The following PIK3C2G variants were observed in gnomAD, a reference collection of about 807,000 sequenced individuals.
The protein encoded by PIK3C2G is phosphatidylinositol 3-kinase C2 domain-containing subunit gamma.
A neutral mutation model predicts 181.1 loss-of-function variants in PIK3C2G; 168 were observed. The ratio of observed to expected loss-of-function variants is 0.93; its 90% CI spans 0.82 to 1.05. The LOEUF (loss-of-function observed/expected upper bound fraction) is 1.05, where lower values mean the gene tolerates loss of function less well. PIK3C2G is among the 50% of genes least tolerant of loss of function. PIK3C2G has a pLI of 0.00. For missense variants in PIK3C2G, 1,869 were observed against 1,732.8 expected (o/e 1.08, Z -1.40); for synonymous variants, 573 against 592.2 (o/e 0.97, Z 0.47).
chr12:18,464,076 G>A (rs1185633528), intron 18 of PIK3C2G, among the ~76,000 whole-genome samples: 1 of 152,064 alleles, frequency 6.6e-6, no homozygotes, highest in Non-Finnish European at 1.5e-5. Flanking sequence ...ATAAATTGTG[G>A]ATTTGTGGAG....
At chr12:18,247,195 G>A (rs1948049231), upstream of PIK3C2G, among the ~76,000 whole-genome samples, 1 of 152,164 alleles carries the variant, frequency 6.6e-6, no homozygotes, top group South Asian at 2.1e-4. Flanking sequence ...CTCAGAAATA[G>A]AGAACCAGGT....
chr12:18,498,083 G>A (rs938171173), intron 22 of PIK3C2G, among the ~76,000 whole-genome samples: 1 of 151,912 alleles, frequency 6.6e-6, no homozygotes, highest in African/African-American at 2.4e-5. Flanking sequence ...ATTTTTAAAA[G>A]AATACAATTG....
chr12:18,652,718 C>T (rs1565604968), downstream of PIK3C2G, among the ~76,000 whole-genome samples: 1 of 152,096 alleles, frequency 6.6e-6, no homozygotes, highest in Non-Finnish European at 1.5e-5. Flanking sequence ...CACATTCATA[C>T]AATGTTGCAA....
At chr12:18,695,164 G>A in the PIK3C2G span, 1 of 1,306,658 alleles carries the variant, frequency 7.7e-7, no homozygotes, top group Middle Eastern at 2.2e-4. Context: ...ATCTAATAAT[G>A]GATTCTATGT....
At chr12:18,393,785 A>C (rs942120984) in intron 15 of PIK3C2G, among the ~76,000 whole-genome samples, 4 of 152,108 alleles carry the variant, frequency 2.6e-5, no homozygotes, top group African/African-American at 9.7e-5. Context: ...TTCAGCCTGG[A>C]GTCACTTTCT....
intron 32 of PIK3C2G, among the ~76,000 whole-genome samples, chr12:18,645,909 G>A (rs1432320821): frequency 6.6e-6 from 1 of 152,080 alleles, no homozygotes; most frequent in African/African-American, 2.4e-5. Context: ...CACACTTTGA[G>A]GGTTCCTTTC....
downstream of PIK3C2G, among the ~76,000 whole-genome samples, chr12:18,650,704 G>GTGTATATATCTA (rs1950446696): frequency 1.7e-5 from 1 of 57,788 alleles, no homozygotes; most frequent in Non-Finnish European, 4.0e-5. Context: ...GTGTGTGTGT[G>GTGTATATATCTA]TATATATCTA....
the PIK3C2G span, among the ~76,000 whole-genome samples, chr12:18,664,280 C>CA: frequency 6.6e-6 from 1 of 152,004 alleles, no homozygotes; most frequent in Non-Finnish European, 1.5e-5. Context: ...GAATATATAC[C>CA]AAAAAACACT....
chr12:18,540,515 CT>C (rs1305651164), intron 25 of PIK3C2G, among the ~76,000 whole-genome samples: 1 of 151,756 alleles, frequency 6.6e-6, no homozygotes, highest in Non-Finnish European at 1.5e-5. Flanking sequence ...TTCTACATAC[CT>C]TAACAAAGCA....
intron 31 of PIK3C2G, among the ~76,000 whole-genome samples, chr12:18,609,976 T>C (rs751750892): frequency 6.6e-6 from 1 of 152,034 alleles, no homozygotes; most frequent in Middle Eastern, 3.2e-3. Context: ...CAAAAAATAA[T>C]AGTGTTTTGA....
At chr12:18,255,216 A>AAGAT (rs1948132476) in intron 1 of PIK3C2G, among the ~76,000 whole-genome samples, 1 of 131,858 alleles carries the variant, frequency 7.6e-6, no homozygotes. Flanking sequence ...CTCCGTCTCA[A>AAGAT]AAATAAATAA....
chr12:18,582,246 A>C (rs1946536270), intron 29 of PIK3C2G, among the ~76,000 whole-genome samples: 1 of 152,118 alleles, frequency 6.6e-6, no homozygotes, highest in Admixed American at 6.5e-5. Context: ...GTCAACCCAC[A>C]GAGAATGGAG....
intron 31 of PIK3C2G, among the ~76,000 whole-genome samples, chr12:18,619,306 C>G (rs1264363494): frequency 6.6e-6 from 1 of 151,886 alleles, no homozygotes; most frequent in African/African-American, 2.4e-5. Context: ...GGAATTCTAT[C>G]ACCAGAGAAA....
At chr12:18,356,141 G>C (rs1054777479) in intron 11 of PIK3C2G, among the ~76,000 whole-genome samples, 2 of 152,208 alleles carry the variant, frequency 1.3e-5, no homozygotes, top group Non-Finnish European at 2.9e-5. Context: ...CCAAAAGAAA[G>C]AGAGAGATGG....
chr12:18,488,478 A>G lies in PIK3C2G; in HGVS notation c.2534A>G (p.Tyr845Cys), dbSNP rs1392293386. The G allele has an allele frequency of 3.6e-5, 55 of 1,533,716 alleles. No individual in the cohort carries two copies. Among genetic ancestry groups the G allele is most frequent in the Non-Finnish European group, 4.7e-5 (54 of 1,142,830 alleles). ...CTAAAAAATGCAGAAAATGAAGCTT[A>G]TTTTAAAAGCTGGTATCAGAAGCTA... ...WLLKNAENEA[Y>C]FKSWYQKLLA... Residue 845 changes from tyrosine to cysteine, a missense_variant, in exon 19 of 33, where the codon TAT becomes TGT. Tyr to Cys is a radical substitution (Grantham distance 194). Transcript: ENST00000538779.
At chr12:18,706,415 T>C in the PIK3C2G span, among the ~76,000 whole-genome samples, 1 of 152,032 alleles carries the variant, frequency 6.6e-6, no homozygotes, top group South Asian at 2.1e-4. Context: ...CACTGATGAG[T>C]TGGGGGAAAT....
intron 1 of PIK3C2G, among the ~76,000 whole-genome samples, chr12:18,249,817 T>C (rs1948078050): frequency 6.6e-6 from 1 of 152,110 alleles, no homozygotes. Flanking sequence ...AAATATCTTA[T>C]ATTTCACAAA....
In PIK3C2G at chr12:18,282,401, T is replaced by C. The variant is rs375111526; in HGVS notation, c.320T>C (p.Ile107Thr). The C allele has an allele frequency of 1.2e-6, 2 of 1,613,418 alleles. No homozygotes were observed. The highest frequency in any genetic ancestry group is 1.7e-6 in the Non-Finnish European group (2 of 1,179,406). The change falls in exon 2 of 33, where the codon ATT (isoleucine) becomes ACT (threonine). Residue 107 changes from isoleucine to threonine, a missense_variant. Ile to Thr is a moderately conservative substitution (Grantham distance 89, BLOSUM62 -1). Coordinates refer to ENST00000538779, the MANE Select transcript of PIK3C2G (RefSeq NM_001288772.2). Reference protein sequence around the residue: ...SWHQVSKAPAIGFSPSVLPKP... With the variant: ...SWHQVSKAPATGFSPSVLPKP... ...CATCAAGTTAGCAAAGCACCAGCAA[T>C]TGGTTTTAGTCCTTCTGTGTTACCA...
At chr12:18,482,244 T>C (rs1435163945) in intron 18 of PIK3C2G, among the ~76,000 whole-genome samples, 14 of 145,510 alleles carry the variant, frequency 9.6e-5, no homozygotes, top group Non-Finnish European at 1.8e-4. Flanking sequence ...TATTTCACTC[T>C]TCTTCTCTTT....
Sources: gnomAD v4.1 joint callset for allele counts (sites outside exome capture counted in the v4.1 genomes callset) on GRCh38, gnomAD v4.1.1 for gene constraint, MANE v1.5 for transcripts, NCBI Gene and HGNC (gene_info 2026-07-23, HGNC 2026-07-21) for gene names.